THEMIS: variants seen among roughly 807,000 people sequenced by gnomAD.
THEMIS encodes thymocyte selection associated.
In THEMIS, 37 loss-of-function variants were observed where a neutral mutation model predicts 52.6. That is an observed-to-expected ratio of 0.70 (90% CI 0.54 to 0.93). The LOEUF (loss-of-function observed/expected upper bound fraction) is 0.93, where lower values mean the gene tolerates loss of function less well. Among genes scored for constraint, THEMIS ranks in the 40% least tolerant of loss-of-function variants. THEMIS has a pLI of 0.00. For synonymous variants in THEMIS, 292 were observed against 272.7 expected, an observed-to-expected ratio of 1.07 and a Z score of -0.70; for missense variants, 808 against 763.1, an observed-to-expected ratio of 1.06 and a Z score of -0.69.
intron 2 of THEMIS, among the ~76,000 whole-genome samples, chr6:127,851,117 T>C (rs963191341): frequency 6.6e-6 from 1 of 151,050 alleles, no homozygotes; most frequent in Non-Finnish European, 1.5e-5. Flanking sequence ...GGAAAAAAAG[T>C]ATAAAGAAAA....
intron 4 of THEMIS, among the ~76,000 whole-genome samples, chr6:127,775,581 T>C (rs956368203): frequency 6.6e-6 from 1 of 152,064 alleles, no homozygotes; most frequent in African/African-American, 2.4e-5. Context: ...GGCAGCACTC[T>C]GGGTTTGACC....
chr6:127,850,041 G>A (rs1779367073), intron 2 of THEMIS, among the ~76,000 whole-genome samples: 1 of 151,886 alleles, frequency 6.6e-6, no homozygotes, highest in Non-Finnish European at 1.5e-5. Flanking sequence ...AAATAAGCAA[G>A]AAGAAAACTA....
intron 5 of THEMIS, among the ~76,000 whole-genome samples, chr6:127,718,507 G>A (rs1412233760): frequency 6.6e-6 from 1 of 151,920 alleles, no homozygotes; most frequent in African/African-American, 2.4e-5. Context: ...TACAAGAGAA[G>A]ATTAGATAAT....
intron 4 of THEMIS, among the ~76,000 whole-genome samples, chr6:127,770,333 T>C (rs1776341514): frequency 6.6e-6 from 1 of 152,232 alleles, no homozygotes. Context: ...TGTGAGATGG[T>C]ATCTCATTGT....
chr6:127,730,326 G>GAAAAGAAAAGAAAAGAAAA (rs1562219924), intron 4 of THEMIS, among the ~76,000 whole-genome samples: 1 of 128,638 alleles, frequency 7.8e-6, no homozygotes, highest in African/African-American at 2.9e-5. Context: ...GAGAAAAAAA[G>GAAAAGAAAAGAAAAGAAAA]AAAAGAAAAG....
intron 2 of THEMIS, among the ~76,000 whole-genome samples, chr6:127,836,476 C>A (rs1778877719): frequency 6.6e-6 from 1 of 152,084 alleles, no homozygotes; most frequent in South Asian, 2.1e-4. Flanking sequence ...TCAAAAAAAT[C>A]TGTTACCCAT....
chr6:127,835,473 G>T (rs1778845101), intron 2 of THEMIS, among the ~76,000 whole-genome samples: 1 of 152,130 alleles, frequency 6.6e-6, no homozygotes, highest in African/African-American at 2.4e-5. Flanking sequence ...TAAAGTCATT[G>T]TGGTGATTAA....
chr6:127,787,898 T>TAGATAGAC (rs1777027054), intron 4 of THEMIS, among the ~76,000 whole-genome samples: 1 of 150,214 alleles, frequency 6.7e-6, no homozygotes, highest in African/African-American at 2.5e-5. Context: ...GATAGATAGA[T>TAGATAGAC]AGATAGATAG....
rs546631386 is a variant in THEMIS at position 127,825,372 on chromosome 6, C to A, written c.709+4104G>T. ...GAAACTTCAGAATACCACGTATAAT[C>A]TCTCCAAGACGATACAGGATGGTGG... is the stretch of plus-strand genomic sequence containing the variant. On this transcript the variant is annotated intron_variant, in intron 3 of 5. Transcript: ENST00000368248. Among the ~76,000 whole-genome samples, 3 of 152,306 alleles carry A rather than the reference C, an allele frequency of 2.0e-5. No individual in the cohort carries two copies. In the South Asian group the frequency reaches 6.2e-4, roughly 32 times the overall value.
downstream of THEMIS, among the ~76,000 whole-genome samples, chr6:127,703,331 G>T (rs974758083): frequency 6.6e-6 from 1 of 152,190 alleles, no homozygotes; most frequent in African/African-American, 2.4e-5. Flanking sequence ...ACAGGCGTGA[G>T]ACACCGCGCC....
chr6:127,861,024 T>C (rs908727366), intron 1 of THEMIS, among the ~76,000 whole-genome samples: 1 of 152,172 alleles, frequency 6.6e-6, no homozygotes, highest in Non-Finnish European at 1.5e-5. Context: ...AGAACACTTA[T>C]CTATGATTGT....
chr6:127,864,781 A>T lies in THEMIS; in HGVS notation c.92-9593T>A, dbSNP rs1779920702. The stretch of plus-strand genomic sequence containing the variant: ...AGCAAAATTATGTTTATCCATATGT[A>T]TCAAAGGTCCGCATATCCACTCTCA... On this transcript the variant is annotated intron_variant, in intron 1 of 5. Coordinates refer to ENST00000368248, the MANE Select transcript of THEMIS (RefSeq NM_001010923.3). Among the ~76,000 whole-genome samples, 3 of 152,188 alleles carry T rather than the reference A, an allele frequency of 2.0e-5. No individual in the cohort carries two copies. The South Asian group carries it at 6.2e-4, about 31-fold the overall frequency.
At chr6:127,885,612 T>G (rs1780621479) in intron 1 of THEMIS, among the ~76,000 whole-genome samples, 1 of 151,968 alleles carries the variant, frequency 6.6e-6, no homozygotes, top group Admixed American at 6.6e-5. Flanking sequence ...AGATAAACAA[T>G]ACTAGGGAAT....
chr6:127,823,611 T>A (rs963630438), intron 3 of THEMIS, among the ~76,000 whole-genome samples: 5 of 152,138 alleles, frequency 3.3e-5, no homozygotes, highest in African/African-American at 1.2e-4. Flanking sequence ...ATTAATGTGA[T>A]ATTTTTATAA....
At chr6:127,897,936 CAT>C (rs1781020628) in intron 1 of THEMIS, among the ~76,000 whole-genome samples, 1 of 151,200 alleles carries the variant, frequency 6.6e-6, no homozygotes, top group African/African-American at 2.4e-5. Flanking sequence ...AATGGAATAA[CAT>C]ACACTGAAAA....
intron 4 of THEMIS, among the ~76,000 whole-genome samples, chr6:127,733,868 G>A (rs901670528): frequency 2.6e-5 from 4 of 151,762 alleles, no homozygotes; most frequent in Admixed American, 2.0e-4. Flanking sequence ...GAAAAGAAAC[G>A]GATAAATAAG....
At chr6:127,880,865 T>A (rs1278212133) in intron 1 of THEMIS, among the ~76,000 whole-genome samples, 1 of 152,160 alleles carries the variant, frequency 6.6e-6, no homozygotes, top group Non-Finnish European at 1.5e-5. Context: ...ACTGACCATT[T>A]CCATGTAAAA....
chr6:127,733,996 A>G (rs374724873), intron 4 of THEMIS, among the ~76,000 whole-genome samples: 8 of 152,218 alleles, frequency 5.3e-5, no homozygotes, highest in Non-Finnish European at 5.9e-5. Context: ...GTAACTGGCA[A>G]AAGGAAAATC....
intron 1 of THEMIS, among the ~76,000 whole-genome samples, chr6:127,877,809 A>G (rs1780359234): frequency 6.6e-6 from 1 of 152,230 alleles, no homozygotes; most frequent in Non-Finnish European, 1.5e-5. Flanking sequence ...TGGTGCCAAT[A>G]GAATTGCTCG....
Sources: allele counts gnomAD v4.1 joint callset (sites outside exome capture counted in the v4.1 genomes callset), GRCh38; gene constraint gnomAD v4.1.1; transcripts MANE v1.5; gene names NCBI Gene and HGNC (gene_info 2026-07-23, HGNC 2026-07-21).